Variants in IL19 observed in about 807,000 individuals in gnomAD.
The protein encoded by IL19 is interleukin-19.
IL19 carries 15 observed loss-of-function variants against 19.5 expected under a neutral mutation model. That is an observed-to-expected ratio of 0.77 (90% CI 0.52 to 1.19). The LOEUF is 1.19. Among genes scored for constraint, IL19 ranks in the 50% most tolerant of loss-of-function variants. The pLI is 0.00. For synonymous variants in IL19, 78 were observed against 78.3 expected (o/e 1.00, Z 0.02); for missense variants, 199 against 213.1 (o/e 0.93, Z 0.41).
rs182192809 is a variant in IL19, at chr1:206,798,477, C to T, written c.-148-384C>T. On this transcript the variant is annotated intron_variant, in intron 1 of 6. Coordinates refer to ENST00000659997, the MANE Select transcript of IL19 (RefSeq NM_153758.5). ...CCACCCCCAAGTCAATTTCCTGTGA[C>T]GCTAATAAAAGCTTCAGGATCTCTT... Among the ~76,000 whole-genome samples, 453 of 152,228 alleles carry T rather than the reference C, an allele frequency of 3.0e-3. 4 individuals carry two copies. Among genetic ancestry groups the T allele is most frequent in the African/African-American group, 0.01 (422 of 41,538 alleles).
chr1:206,835,515 G>A (rs956077485), intron 2 of IL19, among the ~76,000 whole-genome samples: 1 of 152,224 alleles, frequency 6.6e-6, no homozygotes, highest in African/African-American at 2.4e-5. Flanking sequence ...AAGGCATGGG[G>A]AGTGGGGGCA....
At chr1:206,774,150 G>A (rs986271862) in intron 1 of IL19, among the ~76,000 whole-genome samples, 1 of 152,240 alleles carries the variant, frequency 6.6e-6, no homozygotes, top group Non-Finnish European at 1.5e-5. Flanking sequence ...GAGTGGGAGG[G>A]AGGGATGAGA....
chr1:206,786,329 C>T (rs752224884), intron 1 of IL19, among the ~76,000 whole-genome samples: 7 of 152,232 alleles, frequency 4.6e-5, no homozygotes, highest in South Asian at 2.1e-4. Context: ...AGTACTATCA[C>T]GACAGCTATG....
chr1:206,841,266 C>A (rs1248366427), intron 6 of IL19, among the ~76,000 whole-genome samples, 188 bp downstream of exon 6: 1 of 152,212 alleles, frequency 6.6e-6, no homozygotes, highest in African/African-American at 2.4e-5. Flanking sequence ...CTCCTGGGCT[C>A]CCCATCTCCA....
chr1:206,810,444 A>G (rs1185282772), intron 2 of IL19, among the ~76,000 whole-genome samples: 5 of 152,192 alleles, frequency 3.3e-5, no homozygotes, highest in African/African-American at 1.2e-4. Flanking sequence ...TGAAATCTCT[A>G]CATCTACCAG....
intron 2 of IL19, among the ~76,000 whole-genome samples, chr1:206,809,030 GGAGA>G (rs1675932339): frequency 6.6e-6 from 1 of 152,148 alleles, no homozygotes; most frequent in South Asian, 2.1e-4. Context: ...TCTTGTTTAG[GGAGA>G]GAGAGCAAAG....
At chr1:206,797,320 G>A (rs1675548772) in intron 1 of IL19, among the ~76,000 whole-genome samples, 1 of 151,786 alleles carries the variant, frequency 6.6e-6, no homozygotes, top group African/African-American at 2.4e-5. Context: ...CATGGCGGAG[G>A]GTGGGGTGAG....
chr1:206,829,970 T>A (rs1477846986), intron 2 of IL19, among the ~76,000 whole-genome samples: 2 of 152,168 alleles, frequency 1.3e-5, no homozygotes. Context: ...GTGTGGCCAG[T>A]TTGGATTTCC....
chr1:206,787,215 T>C (rs1229615923), intron 1 of IL19, among the ~76,000 whole-genome samples: 1 of 152,176 alleles, frequency 6.6e-6, no homozygotes, highest in Non-Finnish European at 1.5e-5. Context: ...ACAGAATTCT[T>C]TCAATTCAGC....
In IL19 at chr1:206,771,096, G is replaced by C. The variant is rs765131042; in HGVS notation, c.-149+18G>C. The C allele has an allele frequency of 9.9e-6, 16 of 1,611,858 alleles. No homozygotes were observed. Among genetic ancestry groups the C allele is most frequent in the Non-Finnish European group, 1.4e-5 (16 of 1,178,384 alleles). On this transcript the variant is annotated intron_variant, in intron 1 of 6. Transcript: ENST00000659997. ...AGCCAAAGGTGAGTGAGAGATTGGC[G>C]GAGGTGGCTGGGAGGAGGGGCTGCT...
At position 206,814,024 on chromosome 1, in the gene IL19, A is replaced by T. The variant is rs1676084850; in HGVS notation, c.-3+15018A>T. 2.0e-5 allele frequency among the ~76,000 whole-genome samples: 3 copies of T among 152,302 alleles called. No homozygotes were observed. The South Asian group carries it at 6.2e-4, about 32-fold the overall frequency. ...CATGGTTGTATCAGTTAATTTCTTG[A>T]AATAAATCTTTTTATATATAGTAAG... On this transcript the variant is annotated intron_variant, in intron 2 of 6. Transcript: ENST00000659997.
At chr1:206,818,800 CT>C (rs1170536982) in intron 2 of IL19, among the ~76,000 whole-genome samples, 2 of 143,662 alleles carry the variant, frequency 1.4e-5, no homozygotes, top group African/African-American at 5.1e-5. Flanking sequence ...TTCTTTCTTT[CT>C]TTTTTCTTTT....
At chr1:206,772,483 C>G (rs756344226) in intron 1 of IL19, 1 of 1,582,708 alleles carries the variant, frequency 6.3e-7, no homozygotes, top group East Asian at 2.2e-5. Context: ...CAAGAGCAAG[C>G]CCCTGATGTG....
intron 2 of IL19, among the ~76,000 whole-genome samples, chr1:206,830,679 T>C (rs2102481811): frequency 6.6e-6 from 1 of 152,138 alleles, no homozygotes; most frequent in East Asian, 1.9e-4. Flanking sequence ...CCCGGGTTCA[T>C]GCCATTCTCC....
At position 206,798,847 on chromosome 1, in the gene IL19, G is replaced by C. The variant is rs1448987977; in HGVS notation, c.-148-14G>C. 7.2e-7 allele frequency: 1 copy of C among 1,394,366 alleles called. No individual in the cohort carries two copies. The highest frequency in any genetic ancestry group is 1.4e-5 in the African/African-American group (1 of 69,890). The allele number at this position is 1,394,366 out of a possible 1,614,324, so 86.4% of individuals were successfully genotyped here. On this transcript the variant is annotated splice_polypyrimidine_tract_variant and intron_variant, in intron 1 of 6. Coordinates refer to ENST00000659997, the MANE Select transcript of IL19 (RefSeq NM_153758.5). ...CCTTTTTGTAATGATGACTCTCTAT[G>C]ATTTTCTCCATAGAGCGGTGCTTGC...
chr1:206,839,751 G>T (rs887503173), intron 4 of IL19, 99 bp from the exon 5 acceptor site: 3 of 1,043,562 alleles, frequency 2.9e-6, no homozygotes, highest in Middle Eastern at 3.2e-4. Flanking sequence ...ATGACTTTTA[G>T]TTCTCTCATG....
intron 2 of IL19, among the ~76,000 whole-genome samples, chr1:206,824,689 G>A (rs1676386759): frequency 6.6e-6 from 1 of 152,222 alleles, no homozygotes; most frequent in South Asian, 2.1e-4. Context: ...AGGAAACTGA[G>A]GCACAGAGAG....
rs74477346 is a variant in IL19 at position 206,771,460 on chromosome 1, T to C, written c.-149+382T>C. The C allele has an allele frequency of 2.0e-3, 3,048 of 1,487,452 alleles. 52 individuals are homozygous for C. The African/African-American group carries it at 0.031, about 15-fold the overall frequency. The allele number at this position is 1,487,452 out of a possible 1,614,324, so 92.1% of individuals were successfully genotyped here. The stretch of plus-strand genomic sequence containing the variant: ...AGAATGAACTTGAGGTTTGGGGAAA[T>C]AACTGAAATGCGGTCTTTTTGATGC... On this transcript the variant is annotated intron_variant, in intron 1 of 6. Transcript: ENST00000659997.
At chr1:206,779,174 C>T (rs1019400635) in intron 1 of IL19, among the ~76,000 whole-genome samples, 8 of 152,198 alleles carry the variant, frequency 5.3e-5, no homozygotes, top group African/African-American at 1.9e-4. Context: ...CTCTCCCAGG[C>T]TCGTAAACAT....
Sources: gnomAD v4.1 joint callset for allele counts (sites outside exome capture counted in the v4.1 genomes callset) on GRCh38, gnomAD v4.1.1 for gene constraint, MANE v1.5 for transcripts, NCBI Gene and HGNC (gene_info 2026-07-23, HGNC 2026-07-21) for gene names.